Variants in DNAH14 observed in about 807,000 individuals in gnomAD.
DNAH14 encodes the protein axonemal beta dynein heavy chain 14.
DNAH14 carries 478 observed loss-of-function variants against 520.9 expected under a neutral mutation model. The observed-to-expected ratio is 0.92, with a 90% CI of 0.85 to 0.99. The LOEUF is 0.99. DNAH14 is among the 50% of genes least tolerant of loss of function. The pLI is 0.00. For synonymous variants in DNAH14, 1,581 were observed against 1,757.2 expected, an observed-to-expected ratio of 0.90 and a Z score of 2.51; for missense variants, 4,831 against 5,234.5, an observed-to-expected ratio of 0.92 and a Z score of 2.38.
At chr1:225,126,555 C>A (rs925307642) in intron 27 of DNAH14, among the ~76,000 whole-genome samples, 9 of 152,000 alleles carry the variant, frequency 5.9e-5, no homozygotes, top group Non-Finnish European at 1.5e-5. Flanking sequence ...GTGGTGATAT[C>A]CCCTTTATCA....
chr1:225,033,090 T>G (rs1207315845), intron 11 of DNAH14, among the ~76,000 whole-genome samples: 4 of 152,096 alleles, frequency 2.6e-5, no homozygotes, highest in African/African-American at 9.6e-5. Flanking sequence ...AATTAGATCC[T>G]GTTTGTCAAT....
At chr1:225,130,382 T>C (rs1327461924) in intron 27 of DNAH14, among the ~76,000 whole-genome samples, 7 of 152,094 alleles carry the variant, frequency 4.6e-5, no homozygotes, top group Non-Finnish European at 2.9e-5. Context: ...ATGTTTATTG[T>C]GGCACTAGTC....
intron 17 of DNAH14, among the ~76,000 whole-genome samples, chr1:225,056,574 C>CAAA (rs2069128000): frequency 1.3e-5 from 2 of 152,132 alleles, no homozygotes; most frequent in South Asian, 4.1e-4. Flanking sequence ...GTTGCCATCG[C>CAAA]TTTTGGTGTT....
At position 225,322,744 on chromosome 1, in the gene DNAH14, C is replaced by A; in HGVS notation, c.9416C>A (p.Ala3139Glu). 2 of 1,551,588 alleles carry A rather than the reference C, an allele frequency of 1.3e-6. No homozygotes were observed. The highest frequency in any genetic ancestry group is 1.7e-6 in the Non-Finnish European group (2 of 1,146,914). ...CTTCTGCAAAAGAAACCTAACTGGGCAACGGCAAAGTTACTTCTTTCAGAA... is the reference window on the plus strand; with the variant it reads ...CTTCTGCAAAAGAAACCTAACTGGGAAACGGCAAAGTTACTTCTTTCAGAA... ...CILLQKKPNWATAKLLLSETG... is the reference protein window; with the variant it reads ...CILLQKKPNWETAKLLLSETG... The change falls in exon 62 of 86, where the codon GCA becomes GAA. Residue 3139 changes from alanine to glutamate, a missense_variant. Coordinates refer to ENST00000682510, the MANE Select transcript of DNAH14 (RefSeq NM_001367479.1).
At chr1:225,037,527 G>A (rs1047496174) in intron 11 of DNAH14, among the ~76,000 whole-genome samples, 14 of 152,044 alleles carry the variant, frequency 9.2e-5, no homozygotes, top group African/African-American at 3.1e-4. Context: ...ATCTCTATAC[G>A]TAATCTCCTT....
At chr1:225,046,956 G>A (rs199897133) in intron 15 of DNAH14, among the ~76,000 whole-genome samples, 1 of 151,870 alleles carries the variant, frequency 6.6e-6, no homozygotes, top group African/African-American at 2.4e-5. Flanking sequence ...GATACTTCAG[G>A]CTCATCTTGT....
At chr1:225,258,374 T>C (rs921873542) in intron 45 of DNAH14, among the ~76,000 whole-genome samples, 5 of 152,206 alleles carry the variant, frequency 3.3e-5, no homozygotes, top group Non-Finnish European at 7.4e-5. Flanking sequence ...ATTATATTAA[T>C]AATATATGTT....
chr1:225,389,598 G>C (rs2095879740), intron 82 of DNAH14, 136 bp from the exon 83 acceptor site: 2 of 967,684 alleles, frequency 2.1e-6, no homozygotes, highest in Non-Finnish European at 3.0e-6. Flanking sequence ...CCATTCAAGG[G>C]CCTGATAAGA....
At chr1:225,143,186 A>G (rs2079606729) in intron 28 of DNAH14, among the ~76,000 whole-genome samples, 1 of 152,062 alleles carries the variant, frequency 6.6e-6, no homozygotes, top group Admixed American at 6.5e-5. Flanking sequence ...AGGGAACACT[A>G]ATGGAAAGGG....
At chr1:225,293,502 C>T (rs2093938652) in intron 55 of DNAH14, among the ~76,000 whole-genome samples, 1 of 151,978 alleles carries the variant, frequency 6.6e-6, no homozygotes, top group Non-Finnish European at 1.5e-5. Context: ...AAAAAAAGAC[C>T]ATATCCTTTG....
intron 69 of DNAH14, among the ~76,000 whole-genome samples, chr1:225,342,415 C>T (rs2095206146): frequency 6.6e-6 from 1 of 152,026 alleles, no homozygotes. Flanking sequence ...AGTACAGTCA[C>T]CTCACAGTTC....
chr1:225,346,749 T>C (rs2095292137), intron 71 of DNAH14, 95 bp downstream of exon 71: 2 of 945,874 alleles, frequency 2.1e-6, no homozygotes, highest in Non-Finnish European at 1.5e-6. Context: ...CTATAATTGA[T>C]TAAAGTAAAA....
chr1:224,995,227 G>C (rs1225046074), intron 8 of DNAH14, among the ~76,000 whole-genome samples: 1 of 152,040 alleles, frequency 6.6e-6, no homozygotes, highest in Non-Finnish European at 1.5e-5. Flanking sequence ...AGCAGGCCTG[G>C]TACTGATTAA....
chr1:225,057,933 G>T (rs1255495378), intron 17 of DNAH14, among the ~76,000 whole-genome samples: 1 of 152,144 alleles, frequency 6.6e-6, no homozygotes, highest in African/African-American at 2.4e-5. Flanking sequence ...CAGTTTGCCA[G>T]TATTTTATTG....
intron 75 of DNAH14, among the ~76,000 whole-genome samples, chr1:225,361,857 A>ACAATCAAT (rs34468361): frequency 2.6e-4 from 39 of 151,538 alleles, no homozygotes; most frequent in East Asian, 2.0e-3. Context: ...CATCTCTACA[A>ACAATCAAT]CAATCAATCA....
intron 9 of DNAH14, among the ~76,000 whole-genome samples, chr1:225,006,361 T>A (rs1336093416): frequency 6.6e-6 from 1 of 152,168 alleles, no homozygotes; most frequent in Non-Finnish European, 1.5e-5. Context: ...ACAAGGGAGA[T>A]AACCATAAGG....
chr1:225,089,380 G>T (rs912138741), intron 21 of DNAH14, among the ~76,000 whole-genome samples: 1 of 142,160 alleles, frequency 7.0e-6, no homozygotes, highest in South Asian at 2.3e-4. Flanking sequence ...GGAGGCAGAG[G>T]TTGCAGTGAG....
At chr1:225,341,324 A>G (rs1190607484) in intron 69 of DNAH14, among the ~76,000 whole-genome samples, 1 of 152,170 alleles carries the variant, frequency 6.6e-6, no homozygotes, top group East Asian at 1.9e-4. Flanking sequence ...TATGTATCCC[A>G]TTAAAACATG....
At chr1:225,149,334 T>C (rs1024174679) in intron 31 of DNAH14, among the ~76,000 whole-genome samples, 1 of 152,218 alleles carries the variant, frequency 6.6e-6, no homozygotes, top group South Asian at 2.1e-4. Context: ...AACTGTAGCA[T>C]TGTAATATAG....
Sources: gnomAD v4.1 joint callset for allele counts (sites outside exome capture counted in the v4.1 genomes callset) on GRCh38, gnomAD v4.1.1 for gene constraint, MANE v1.5 for transcripts, NCBI Gene and HGNC (gene_info 2026-07-23, HGNC 2026-07-21) for gene names.